SYNE1: variants seen among roughly 807,000 people sequenced by gnomAD.
SYNE1 encodes nesprin-1.
In SYNE1, 616 loss-of-function variants were observed where a neutral mutation model predicts 1,111.0. The observed-to-expected ratio is 0.55, with a 90% CI of 0.52 to 0.59. The LOEUF (loss-of-function observed/expected upper bound fraction) is 0.59. Ranked by LOEUF, SYNE1 falls within the 20% of genes least tolerant of loss-of-function variation. The pLI, the probability that SYNE1 is intolerant of heterozygous loss-of-function variation, is 0.00. For missense variants in SYNE1, 10,006 were observed against 10,417.0 expected (o/e 0.96, Z 1.72); for synonymous variants, 3,855 against 3,825.8 (o/e 1.01, Z -0.28).
intron 98 of SYNE1, chr6:152,277,658 G>C (rs908363121): frequency 1.4e-5 from 3 of 219,126 alleles, no homozygotes; most frequent in South Asian, 6.9e-5. Flanking sequence ...TTATTTTTCT[G>C]ATCTTAAAAT....
At chr6:152,359,629 GGT>G (rs57095244) in intron 64 of SYNE1, among the ~76,000 whole-genome samples, 171 bp from the exon 65 acceptor site, 460 of 148,134 alleles carry the variant, frequency 3.1e-3, no homozygotes, top group Non-Finnish European at 5.2e-3. Flanking sequence ...TGAATGCATG[GGT>G]GTGTGTGTGT....
intron 42 of SYNE1, chr6:152,410,538 C>T (rs2098012992): frequency 6.6e-6 from 1 of 152,254 alleles, no homozygotes; most frequent in African/African-American, 2.4e-5. Flanking sequence ...AGTTCGAGAC[C>T]AGCCTGGCCA....
intron 134 of SYNE1, 29 bp from the exon 135 acceptor site, chr6:152,151,719 T>C (rs1458755402): frequency 6.2e-7 from 1 of 1,607,256 alleles, no homozygotes; most frequent in Non-Finnish European, 8.5e-7. Flanking sequence ...GTAGTAACAA[T>C]TATTTTTATT....
chr6:152,125,333 GT>G (rs1257316087), intron 145 of SYNE1: 2 of 1,550,322 alleles, frequency 1.3e-6, no homozygotes, highest in Non-Finnish European at 8.7e-7. Context: ...GAAACAAGTG[GT>G]TTCCTCGTGT....
chr6:152,528,075 T>C (rs533846905), intron 4 of SYNE1, among the ~76,000 whole-genome samples: 2 of 152,324 alleles, frequency 1.3e-5, no homozygotes, highest in East Asian at 3.9e-4. Flanking sequence ...GATCTGTTCC[T>C]ACCCAAAACT....
At chr6:152,412,607 A>G (rs944902821) in intron 42 of SYNE1, among the ~76,000 whole-genome samples, 1 of 152,184 alleles carries the variant, frequency 6.6e-6, no homozygotes, top group Admixed American at 6.5e-5. Context: ...GGGAAAAGAT[A>G]AGGCCATTTT....
intron 130 of SYNE1, among the ~76,000 whole-genome samples, chr6:152,173,770 T>G (rs1271142400): frequency 1.3e-5 from 2 of 152,198 alleles, no homozygotes; most frequent in East Asian, 3.8e-4. Context: ...CTGTGGAATT[T>G]TATCTGGGTA....
intron 135 of SYNE1, 31 bp downstream of exon 135, chr6:152,151,522 C>T (rs1563050103): frequency 1.9e-6 from 3 of 1,612,826 alleles, no homozygotes; most frequent in Non-Finnish European, 1.7e-6. Context: ...AGGCTTTCTT[C>T]ACTTTGGTAA....
At position 152,122,532 on chromosome 6, in the gene SYNE1, T is replaced by C. The variant is rs200880341; in HGVS notation, c.26298A>G (p.Pro8766=). 1.6e-4 allele frequency: 254 copies of C among 1,614,110 alleles called. No individual in the cohort carries two copies. In the East Asian group the frequency reaches 4.2e-3, roughly 27 times the overall value. The change falls in exon 146 of 146, where the codon CCA becomes CCG. Residue 8766 remains proline, a synonymous_variant. Transcript: ENST00000367255. ...LLLIGLACLV[P]MSEEDYSCAL... Reference sequence around the variant, plus strand: ...CACAGCTGTAGTCTTCCTCTGACATTGGTACAAGGCAGGCAAGCCCGATGA... The same window carrying C: ...CACAGCTGTAGTCTTCCTCTGACATCGGTACAAGGCAGGCAAGCCCGATGA...
intron 10 of SYNE1, among the ~76,000 whole-genome samples, chr6:152,501,736 CAAAA>C (rs1232051419): frequency 1.1e-5 from 1 of 90,066 alleles, no homozygotes; most frequent in Non-Finnish European, 2.4e-5. Context: ...CTCCATCTCA[CAAAA>C]AAAAAAAAAA....
Position 152,585,397 on chromosome 6 carries a change from G to A in SYNE1, c.67+42868C>T, listed in dbSNP as rs185230049. ...TTTGCATGCAAATGCAAATAGATCC[G>A]TGGGATAAAATCATAGAAACAAAAT... On this transcript the variant is annotated intron_variant, in intron 3 of 145. Coordinates refer to ENST00000367255, the MANE Select transcript of SYNE1 (RefSeq NM_182961.4). 3.9e-4 allele frequency among the ~76,000 whole-genome samples: 60 copies of A among 152,326 alleles called. 1 individual carries two copies. Among genetic ancestry groups the A allele is most frequent in the Middle Eastern group, 3.4e-3 (1 of 294 alleles).
chr6:152,395,398 A>C (rs1229551157), intron 51 of SYNE1, 118 bp downstream of exon 51: 2 of 1,014,038 alleles, frequency 2.0e-6, no homozygotes, highest in Non-Finnish European at 3.0e-6. Context: ...ATTCAAGGAC[A>C]GCACAAACCA....
intron 18 of SYNE1, chr6:152,464,938 C>T: frequency 2.5e-6 from 1 of 395,988 alleles, no homozygotes; most frequent in Non-Finnish European, 4.7e-6. Flanking sequence ...TACGTGAAAA[C>T]AAAGTTGTTT....
chr6:152,500,994 T>C (rs2099027061), intron 10 of SYNE1, among the ~76,000 whole-genome samples: 1 of 152,106 alleles, frequency 6.6e-6, no homozygotes, highest in South Asian at 2.1e-4. Context: ...TTTTTTGGTT[T>C]TCTTATTACT....
chr6:152,556,924 A>G (rs773706537), intron 3 of SYNE1, among the ~76,000 whole-genome samples: 1 of 152,162 alleles, frequency 6.6e-6, no homozygotes, highest in Non-Finnish European at 1.5e-5. Flanking sequence ...GACACTACCA[A>G]AGGGGCAAGT....
chr6:152,271,489 C>T (rs1019815450), intron 98 of SYNE1, among the ~76,000 whole-genome samples: 72 of 152,270 alleles, frequency 4.7e-4, no homozygotes, highest in African/African-American at 1.7e-3. Flanking sequence ...TTGCATTTTG[C>T]AAGACCTTCA....
chr6:152,125,466 GC>G (rs2053074093), intron 145 of SYNE1: 5 of 1,321,812 alleles, frequency 3.8e-6, no homozygotes, highest in African/African-American at 1.5e-5. Flanking sequence ...AGTCTCTCTG[GC>G]CTTCAGTTTT....
At chr6:152,453,560 G>C in intron 25 of SYNE1, 26 bp downstream of exon 25, 5 of 1,614,146 alleles carry the variant, frequency 3.1e-6, no homozygotes, top group Non-Finnish European at 4.2e-6. Flanking sequence ...GAGGATGCAC[G>C]GTGTCTCCGT....
intron 93 of SYNE1, among the ~76,000 whole-genome samples, chr6:152,296,852 A>AGGCCTCTGTAGTCCCTCCT (rs550829604): frequency 1.8e-4 from 27 of 152,132 alleles, no homozygotes; most frequent in African/African-American, 6.0e-4. Context: ...GGAGCTGTCC[A>AGGCCTCTGTAGTCCCTCCT]GGCCTCTGTA....
Sources: allele counts gnomAD v4.1 joint callset (sites outside exome capture counted in the v4.1 genomes callset), GRCh38; gene constraint gnomAD v4.1.1; transcripts MANE v1.5; gene names NCBI Gene and HGNC (gene_info 2026-07-23, HGNC 2026-07-21).